Variants in ABCC4 observed in about 807,000 individuals in gnomAD.
ABCC4 encodes ATP binding cassette subfamily C member 4 (PEL blood group), also known as ATP-binding cassette sub-family C member 4.
In ABCC4, 102 loss-of-function variants were observed where a neutral mutation model predicts 168.5. The ratio of observed to expected loss-of-function variants is 0.61; its 90% CI spans 0.52 to 0.71. The LOEUF is 0.71. Among genes scored for constraint, ABCC4 ranks in the 30% least tolerant of loss-of-function variants. ABCC4 has a pLI of 0.00. For synonymous variants in ABCC4, 617 were observed against 590.7 expected, an observed-to-expected ratio of 1.04 and a Z score of -0.65; for missense variants, 1,402 against 1,605.8, an observed-to-expected ratio of 0.87 and a Z score of 2.17.
intron 4 of ABCC4, among the ~76,000 whole-genome samples, chr13:95,232,507 T>C (rs1594346647): frequency 6.6e-6 from 1 of 151,734 alleles, no homozygotes; most frequent in East Asian, 1.9e-4. Flanking sequence ...TGACACCACG[T>C]CTCTACTAAA....
intron 1 of ABCC4, among the ~76,000 whole-genome samples, chr13:95,264,517 T>C (rs2040616689): frequency 6.6e-6 from 1 of 152,230 alleles, no homozygotes; most frequent in Admixed American, 6.5e-5. Flanking sequence ...GAGGATACTG[T>C]ATTTATTTTT....
chr13:95,244,408 C>A (rs569222788), intron 3 of ABCC4, among the ~76,000 whole-genome samples: 14 of 151,100 alleles, frequency 9.3e-5, no homozygotes, highest in Admixed American at 5.3e-4. Flanking sequence ...CCAACCTGGG[C>A]AACATAGTGA....
At chr13:95,130,640 GTAAA>G (rs760580749) in intron 19 of ABCC4, among the ~76,000 whole-genome samples, 2 of 152,170 alleles carry the variant, frequency 1.3e-5, no homozygotes, top group Non-Finnish European at 2.9e-5. Context: ...CATTTCTGCA[GTAAA>G]TAAAGTACAT....
intron 19 of ABCC4, among the ~76,000 whole-genome samples, chr13:95,138,989 T>C (rs2036228173): frequency 6.6e-6 from 1 of 152,076 alleles, no homozygotes; most frequent in South Asian, 2.1e-4. Flanking sequence ...TCGCCCCACC[T>C]CAAATCTGGT....
intron 1 of ABCC4, among the ~76,000 whole-genome samples, chr13:95,298,537 T>C (rs922840513): frequency 6.6e-6 from 1 of 152,194 alleles, no homozygotes; most frequent in Non-Finnish European, 1.5e-5. Flanking sequence ...GTGATGCCGA[T>C]GCTGCTGCTC....
At chr13:95,237,516 C>T (rs2039807731) in intron 3 of ABCC4, among the ~76,000 whole-genome samples, 1 of 152,156 alleles carries the variant, frequency 6.6e-6, no homozygotes, top group Non-Finnish European at 1.5e-5. Context: ...GAATTCTCCT[C>T]GACTGTGAAA....
intron 1 of ABCC4, among the ~76,000 whole-genome samples, chr13:95,271,410 A>G (rs757100537): frequency 6.6e-6 from 1 of 152,154 alleles, no homozygotes; most frequent in Non-Finnish European, 1.5e-5. Context: ...AGAAGGTCAC[A>G]CGCTGGCCTT....
At chr13:95,236,407 T>C (rs2039771098) in intron 3 of ABCC4, among the ~76,000 whole-genome samples, 1 of 152,208 alleles carries the variant, frequency 6.6e-6, no homozygotes, top group African/African-American at 2.4e-5. Context: ...AGGTTTGCCA[T>C]TGATAGCTGT....
intron 9 of ABCC4, among the ~76,000 whole-genome samples, chr13:95,189,612 G>C (rs561302952): frequency 3.7e-4 from 57 of 152,270 alleles, no homozygotes; most frequent in African/African-American, 1.3e-3. Flanking sequence ...GATAAAGCAT[G>C]AACCTCAGTT....
At chr13:95,132,608 G>A (rs768448321) in intron 19 of ABCC4, among the ~76,000 whole-genome samples, 1 of 152,004 alleles carries the variant, frequency 6.6e-6, no homozygotes, top group Non-Finnish European at 1.5e-5. Context: ...TTTTTTTGTT[G>A]TGGTATTATA....
At chr13:95,220,349 A>G (rs1004030694) in intron 4 of ABCC4, among the ~76,000 whole-genome samples, 1 of 152,236 alleles carries the variant, frequency 6.6e-6, no homozygotes, top group Non-Finnish European at 1.5e-5. Flanking sequence ...AATATTTTAC[A>G]TACGTGATTT....
At chr13:95,122,437 T>G (rs1234705125) in intron 19 of ABCC4, among the ~76,000 whole-genome samples, 2 of 152,248 alleles carry the variant, frequency 1.3e-5, no homozygotes, top group Non-Finnish European at 2.9e-5. Flanking sequence ...CTTATCTTTA[T>G]TTTACATAAT....
chr13:95,202,318 TATCA>T (rs1594288946), intron 8 of ABCC4, among the ~76,000 whole-genome samples: 1 of 152,232 alleles, frequency 6.6e-6, no homozygotes, highest in South Asian at 2.1e-4. Context: ...GAGACAATTT[TATCA>T]ATCAATCTAC....
rs898631895 is a variant in ABCC4, at chr13:95,198,161, G to C, written c.1162-3224C>G. On this transcript the variant is annotated intron_variant, in intron 8 of 30. Coordinates refer to ENST00000645237, the MANE Select transcript of ABCC4 (RefSeq NM_005845.5). ...TCCACAGCAAAAGAAACTCTCATCA[G>C]AGTGAACAGGCAACCTACAGAATGG... Among the ~76,000 whole-genome samples, 9 of 152,152 alleles carry C rather than the reference G, an allele frequency of 5.9e-5. 1 individual carries two copies. Among genetic ancestry groups the C allele is most frequent in the Admixed American group, 5.9e-4 (9 of 15,280 alleles).
intron 4 of ABCC4, among the ~76,000 whole-genome samples, chr13:95,226,214 A>G (rs58296130): frequency 0.064 from 9,703 of 151,646 alleles, 639 homozygotes; most frequent in African/African-American, 0.16. Context: ...ATAACCCAAC[A>G]GTTTCCTGTA....
rs778961775 is a variant in ABCC4, at chr13:95,075,431, C to A, written c.2806+1G>T. 1 of 1,613,964 alleles carries A rather than the reference C, an allele frequency of 6.2e-7. No homozygotes were observed. Among genetic ancestry groups the A allele is most frequent in the East Asian group, 2.2e-5 (1 of 44,892 alleles). On this transcript the variant is annotated splice_donor_variant, in intron 22 of 30. Coordinates refer to ENST00000645237, the MANE Select transcript of ABCC4 (RefSeq NM_005845.5). LOFTEE classifies it high-confidence loss of function. ...GAAACCATTTCCAGAAATAGACAGACCTGAATGTAAATCCTGGTGTGCATC... is the reference window on the plus strand; with the variant it reads ...GAAACCATTTCCAGAAATAGACAGAACTGAATGTAAATCCTGGTGTGCATC...
At chr13:95,037,510 A>G (rs1426653505) in intron 29 of ABCC4, among the ~76,000 whole-genome samples, 1 of 152,242 alleles carries the variant, frequency 6.6e-6, no homozygotes, top group Admixed American at 6.5e-5. Context: ...GGAAGTGCAA[A>G]TAAGTTAAAC....
intron 19 of ABCC4, among the ~76,000 whole-genome samples, chr13:95,139,341 T>C (rs1369471885): frequency 1.3e-5 from 2 of 152,192 alleles, no homozygotes; most frequent in East Asian, 3.8e-4. Flanking sequence ...CAAACGTTGA[T>C]GTCAATCAAA....
chr13:95,104,749 C>A (rs1026890307), intron 20 of ABCC4, among the ~76,000 whole-genome samples: 2 of 152,124 alleles, frequency 1.3e-5, no homozygotes, highest in African/African-American at 2.4e-5. Flanking sequence ...TCTGAGGAAG[C>A]ATAATGAGGC....
Sources: allele counts gnomAD v4.1 joint callset (sites outside exome capture counted in the v4.1 genomes callset), GRCh38; gene constraint gnomAD v4.1.1; transcripts MANE v1.5; gene names NCBI Gene and HGNC (gene_info 2026-07-23, HGNC 2026-07-21).